Variants in TOPBP1 observed in about 807,000 individuals in gnomAD.
TOPBP1 encodes DNA topoisomerase 2-binding protein 1.
Under a neutral mutation model 167.7 loss-of-function variants are expected in TOPBP1, and 28 were observed. The ratio of observed to expected loss-of-function variants is 0.17; its 90% CI spans 0.12 to 0.23. TOPBP1 has a LOEUF of 0.23. Ranked by LOEUF, TOPBP1 falls within the 10% of genes least tolerant of loss-of-function variation. The probability of loss-of-function intolerance (pLI) is 1.00; values close to 1 mark genes in which losing one functional copy is unlikely to be tolerated. For missense variants in TOPBP1, 1,554 were observed against 1,809.6 expected, an observed-to-expected ratio of 0.86 and a Z score of 2.56; for synonymous variants, 598 against 611.4, an observed-to-expected ratio of 0.98 and a Z score of 0.32.
At chr3:133,660,663 A>C (rs1936667230) in intron 2 of TOPBP1, among the ~76,000 whole-genome samples, 2 of 152,222 alleles carry the variant, frequency 1.3e-5, no homozygotes, top group Non-Finnish European at 2.9e-5. Context: ...TCCAATTATT[A>C]TACTGTACAT....
intron 14 of TOPBP1, among the ~76,000 whole-genome samples, chr3:133,629,897 C>T (rs1935408011): frequency 6.6e-6 from 1 of 152,104 alleles, no homozygotes; most frequent in Non-Finnish European, 1.5e-5. Flanking sequence ...AGCGATTCTC[C>T]TGCCTCAGCC....
At position 133,612,479 on chromosome 3, in the gene TOPBP1, G is replaced by T. The variant is rs774338494; in HGVS notation, c.3945C>A (p.Asn1315Lys). The T allele has an allele frequency of 1.2e-6, 2 of 1,613,814 alleles. No homozygotes were observed. Among genetic ancestry groups the T allele is most frequent in the Non-Finnish European group, 1.7e-6 (2 of 1,179,858 alleles). The change falls in exon 24 of 28, where the codon AAC becomes AAA. Residue 1315 changes from asparagine to lysine, a missense_variant. Coordinates refer to ENST00000260810, the MANE Select transcript of TOPBP1 (RefSeq NM_007027.4). ...CTGCCACTGAGGCTAAATACTTCTC[G>T]TTTCGAAGTGGATGTCCCACAACAA... Reference protein sequence around the residue: ...THIVVGHPLRNEKYLASVAAG... With the variant: ...THIVVGHPLRKEKYLASVAAG...
intron 14 of TOPBP1, among the ~76,000 whole-genome samples, chr3:133,634,624 T>C (rs965262866): frequency 3.9e-5 from 6 of 152,140 alleles, no homozygotes; most frequent in Admixed American, 3.3e-4. Context: ...AGATTTTTTT[T>C]CAAAAACAAC....
intron 8 of TOPBP1, among the ~76,000 whole-genome samples, chr3:133,650,381 G>GGC (rs1553726555): frequency 1.0e-5 from 1 of 96,494 alleles, no homozygotes; most frequent in Non-Finnish European, 1.9e-5. Context: ...CGGGGGGAGG[G>GGC]GTTGTTTTTT....
At chr3:133,602,735 C>G (rs1934347585) in intron 27 of TOPBP1, among the ~76,000 whole-genome samples, 1 of 152,114 alleles carries the variant, frequency 6.6e-6, no homozygotes, top group South Asian at 2.1e-4. Context: ...ATAGAAAATA[C>G]ATAAATGAAT....
At position 133,652,515 on chromosome 3, in the gene TOPBP1, T is replaced by C; in HGVS notation, c.1037A>G (p.Asn346Ser). ...KLEPTLENLE[N>S]LDVSAFQAPE... Reference sequence around the variant, plus strand: ...TGCTTGAAATGCACTGACATCCAGATTTTCTAGATTTTCAAGTGTAGGCTC... The same window carrying C: ...TGCTTGAAATGCACTGACATCCAGACTTTCTAGATTTTCAAGTGTAGGCTC... The change falls in exon 8 of 28, where the codon AAT becomes AGT. Residue 346 changes from asparagine (N) to serine (S), a missense_variant. By Grantham distance (46) the Asn-to-Ser change is conservative (BLOSUM62 1). This residue lies in a region of TOPBP1 where 1,197 missense variants were observed against 1,351.5 expected (regional missense o/e 0.89). Transcript: ENST00000260810. 6.2e-7 allele frequency: 1 copy of C among 1,611,988 alleles called. No homozygotes were observed. Among genetic ancestry groups the C allele is most frequent in the Non-Finnish European group, 8.5e-7 (1 of 1,179,836 alleles).
chr3:133,651,371 G>T, intron 8 of TOPBP1, among the ~76,000 whole-genome samples: 1 of 151,444 alleles, frequency 6.6e-6, no homozygotes, highest in East Asian at 2.0e-4. Flanking sequence ...TGTATTTTTA[G>T]TAGAGACAGG....
At chr3:133,659,952 C>T (rs911952946) in intron 2 of TOPBP1, among the ~76,000 whole-genome samples, 1 of 152,150 alleles carries the variant, frequency 6.6e-6, no homozygotes, top group Non-Finnish European at 1.5e-5. Flanking sequence ...ATCAACCCTC[C>T]AATGGCTCTC....
chr3:133,626,806 C>T (rs1935285665), intron 16 of TOPBP1, among the ~76,000 whole-genome samples: 1 of 152,156 alleles, frequency 6.6e-6, no homozygotes, highest in Non-Finnish European at 1.5e-5. Context: ...GAGTGCTATA[C>T]TGTCTGCTAC....
At position 133,629,005 on chromosome 3, in the gene TOPBP1, T is replaced by C. The variant is rs76567903; in HGVS notation, c.2521-272A>G. ...GTTCAAAGAGACTAACTAGCTTACA[T>C]TTTCAGCAGTGCTTGTCTCTTACCT... On this transcript the variant is annotated intron_variant, in intron 14 of 27. Transcript: ENST00000260810. 9.6e-3 allele frequency among the ~76,000 whole-genome samples: 1,460 copies of C among 152,280 alleles called. 10 individuals are homozygous for C. Among genetic ancestry groups the C allele is most frequent in the Non-Finnish European group, 0.013 (903 of 68,026 alleles).
chr3:133,650,063 T>C (rs1199839973), intron 8 of TOPBP1, 120 bp from the exon 9 acceptor site: 4 of 840,630 alleles, frequency 4.8e-6, no homozygotes, highest in Non-Finnish European at 6.7e-6. Flanking sequence ...TTAAGATATA[T>C]GAATAAATAC....
At position 133,638,070 on chromosome 3, in the gene TOPBP1, T is replaced by A; in HGVS notation, c.2326A>T (p.Thr776Ser). Residue 776 changes from threonine (T) to serine (S), a missense_variant, in exon 14 of 28, where the codon ACC (threonine) becomes TCC (serine). Around this residue, in one of 3 missense-constraint regions of TOPBP1, gnomAD observed 1,197 missense variants for 1,351.5 expected, o/e 0.89. Transcript: ENST00000260810. ...PGTRLQTHRK[T>S]VVTPLDMNRF... ...TTCATATCTAAAGGTGTAACGACGG[T>A]TTTTCTGTGAGTTTGCAGGCGTGTG... The A allele has an allele frequency of 6.2e-7, 1 of 1,613,954 alleles. No homozygotes were observed. The highest frequency in any genetic ancestry group is 1.1e-5 in the South Asian group (1 of 91,086).
chr3:133,651,788 T>C (rs1215627916), intron 8 of TOPBP1, among the ~76,000 whole-genome samples: 1 of 152,210 alleles, frequency 6.6e-6, no homozygotes, highest in Non-Finnish European at 1.5e-5. Flanking sequence ...AACAAGAATT[T>C]TAATTCTCTA....
chr3:133,638,537 A>G (rs1188704549), intron 13 of TOPBP1, among the ~76,000 whole-genome samples: 1 of 152,208 alleles, frequency 6.6e-6, no homozygotes, highest in African/African-American at 2.4e-5. Flanking sequence ...GACAGAGTAA[A>G]AAGAAAAATC....
intron 10 of TOPBP1, among the ~76,000 whole-genome samples, chr3:133,644,933 G>T (rs1213644342): frequency 6.6e-6 from 1 of 152,150 alleles, no homozygotes; most frequent in Non-Finnish European, 1.5e-5. Context: ...CTTTACAAAT[G>T]CATGTAATGC....
Position 133,608,549 on chromosome 3 carries a change from C to A in TOPBP1, c.4411G>T (p.Asp1471Tyr). ...VYCLRTEYIA[D>Y]YLMQESPPHV... ...ATCTCACAAACCTGCATGAGATAATCAGCAATGTATTCTGTTCTCAAGCAG... is the reference window on the plus strand; with the variant it reads ...ATCTCACAAACCTGCATGAGATAATAAGCAATGTATTCTGTTCTCAAGCAG... Residue 1471 changes from aspartate (D) to tyrosine (Y), a missense_variant, in exon 27 of 28, where the codon GAT becomes TAT. Physicochemically the swap from Asp to Tyr is radical, Grantham distance 160 (BLOSUM62 -3). Coordinates refer to ENST00000260810, the MANE Select transcript of TOPBP1 (RefSeq NM_007027.4). 1 of 1,613,528 alleles carries A rather than the reference C, an allele frequency of 6.2e-7. No individual in the cohort carries two copies. The highest frequency in any genetic ancestry group is 1.1e-5 in the South Asian group (1 of 91,026).
chr3:133,627,533 A>C (rs1935307885), intron 16 of TOPBP1, among the ~76,000 whole-genome samples: 1 of 152,248 alleles, frequency 6.6e-6, no homozygotes, highest in African/African-American at 2.4e-5. Flanking sequence ...TATGTATTAC[A>C]GATCAATTTT....
chr3:133,637,941 G>A lies in TOPBP1; in HGVS notation c.2455C>T (p.His819Tyr), dbSNP rs537744082. 1 of 1,613,968 alleles carries A rather than the reference G, an allele frequency of 6.2e-7. No individual in the cohort carries two copies. The highest frequency in any genetic ancestry group is 8.5e-7 in the Non-Finnish European group (1 of 1,179,876). ...AGGAATTTTGATGGTGTATCCAGGT[G>A]TAACGAGGGCTCCTTCTGAAGTGGT... is the stretch of plus-strand genomic sequence containing the variant. ...GQPLQKEPSL[H>Y]LDTPSKFLSK... The change falls in exon 14 of 28, where the codon CAC (histidine) becomes TAC (tyrosine). Residue 819 changes from histidine to tyrosine, a missense_variant. Physicochemically the swap from His to Tyr is moderately conservative, Grantham distance 83. Transcript: ENST00000260810.
At chr3:133,650,656 G>T (rs968420069) in intron 8 of TOPBP1, among the ~76,000 whole-genome samples, 1 of 151,988 alleles carries the variant, frequency 6.6e-6, no homozygotes, top group South Asian at 2.1e-4. Flanking sequence ...AAAAATTTAA[G>T]TATGACAAAT....
Sources: gnomAD v4.1 joint callset for allele counts (sites outside exome capture counted in the v4.1 genomes callset) on GRCh38, gnomAD v4.1.1 for gene constraint, gnomAD v4.1.1 regional missense constraint, MANE v1.5 for transcripts, NCBI Gene and HGNC (gene_info 2026-07-23, HGNC 2026-07-21) for gene names.